Variants in FRMPD2 observed in about 807,000 individuals in gnomAD.
The protein encoded by FRMPD2 is FERM and PDZ domain-containing protein 2.
A neutral mutation model predicts 140.1 loss-of-function variants in FRMPD2; 96 were observed. The ratio of observed to expected loss-of-function variants is 0.69; its 90% CI spans 0.58 to 0.81. The LOEUF is 0.81. Among genes scored for constraint, FRMPD2 ranks in the 40% least tolerant of loss-of-function variants. The probability of loss-of-function intolerance (pLI) is 0.00; values close to 1 mark genes in which losing one functional copy is unlikely to be tolerated. For synonymous variants in FRMPD2, 449 were observed against 547.6 expected (o/e 0.82, Z 2.52); for missense variants, 1,240 against 1,447.4 (o/e 0.86, Z 2.32).
At chr10:48,179,704 T>G (rs1214745349) in intron 21 of FRMPD2, among the ~76,000 whole-genome samples, 1 of 151,862 alleles carries the variant, frequency 6.6e-6, no homozygotes, top group Admixed American at 6.6e-5. Flanking sequence ...ACGGGTTTTA[T>G]CCCCGACACT....
Position 48,174,973 on chromosome 10 carries a change from G to C in FRMPD2, c.2990-18C>G, listed in dbSNP as rs566569760. The C allele has an allele frequency of 2.7e-6, 2 of 733,250 alleles. No individual in the cohort carries two copies. Among genetic ancestry groups the C allele is most frequent in the Non-Finnish European group, 4.8e-6 (2 of 420,484 alleles). 45.4% of individuals were successfully genotyped at this position (733,250 alleles called of 1,614,324 possible). A position where few individuals can be genotyped will look rare whatever the true frequency, so the allele number is the denominator to read the frequency against. ...TCGGTCACCTGGGAAAGGGATAGAT[G>C]TCATGTCATGACCTGGTGCTTGAGG... On this transcript the variant is annotated intron_variant, in intron 23 of 28. Coordinates refer to ENST00000374201, the MANE Select transcript of FRMPD2 (RefSeq NM_001018071.4).
At chr10:48,182,661 T>C (rs545398100) in intron 20 of FRMPD2, among the ~76,000 whole-genome samples, 6 of 152,110 alleles carry the variant, frequency 3.9e-5, no homozygotes, top group Non-Finnish European at 7.4e-5. Context: ...GGTGCCACAG[T>C]GAAAGGACAT....
At chr10:48,222,638 T>A (rs1232681157) in intron 11 of FRMPD2, among the ~76,000 whole-genome samples, 187 bp from the exon 12 acceptor site, 1 of 152,184 alleles carries the variant, frequency 6.6e-6, no homozygotes. Flanking sequence ...CTCCTGCCCC[T>A]CGTTTAGGGC....
In FRMPD2 at chr10:48,274,586, A is replaced by G; in HGVS notation, c.-19T>C. The G allele has an allele frequency of 6.2e-7, 1 of 1,613,766 alleles. No homozygotes were observed. Among genetic ancestry groups the G allele is most frequent in the South Asian group, 1.1e-5 (1 of 91,066 alleles). On this transcript the variant is annotated 5_prime_UTR_variant, in exon 1 of 29. Transcript: ENST00000374201. ...GCTGCATCCAAAAGTCTCCGTGACC[A>G]GGTCTAGGCCTTCATCATGGGACAA... is the stretch of plus-strand genomic sequence containing the variant.
intron 10 of FRMPD2, among the ~76,000 whole-genome samples, chr10:48,225,052 C>A (rs905959195): frequency 5.3e-5 from 8 of 152,270 alleles, no homozygotes; most frequent in Admixed American, 4.6e-4. Context: ...AGTTCGTGAG[C>A]TTTTCCTACT....
intron 1 of FRMPD2, among the ~76,000 whole-genome samples, chr10:48,263,911 T>C (rs1051439166): frequency 6.6e-5 from 10 of 152,034 alleles, no homozygotes; most frequent in Admixed American, 1.3e-4. Flanking sequence ...TATTAGCAAA[T>C]CAAATCCAAC....
At chr10:48,206,986 T>A in intron 13 of FRMPD2, 53 bp from the exon 14 acceptor site, 1 of 1,541,142 alleles carries the variant, frequency 6.5e-7, no homozygotes, top group Non-Finnish European at 8.9e-7. Flanking sequence ...TTTAAAATAA[T>A]GGGCCTCACG....
intron 28 of FRMPD2, among the ~76,000 whole-genome samples, chr10:48,161,803 C>T (rs1458197979): frequency 4.0e-5 from 6 of 151,444 alleles, no homozygotes; most frequent in Non-Finnish European, 7.4e-5. Flanking sequence ...ATTGAACAGG[C>T]TGATTTTCTG....
chr10:48,251,477 A>AAG lies in FRMPD2; in HGVS notation c.151+88_151+89insCT. 2.0e-6 allele frequency: 3 copies of AAG among 1,525,184 alleles called. No individual in the cohort carries two copies. The African/African-American group carries it at 4.7e-5, about 24-fold the overall frequency. 94.5% of individuals were successfully genotyped at this position (1,525,184 alleles called of 1,614,324 possible). ...GTTCTGTGCTCTCAGAGGTTGATTT[A>AAG]AAAAAGCAGCAGCAGCCAGAACTGT... On this transcript the variant is annotated intron_variant, in intron 2 of 28. Coordinates refer to ENST00000374201, the MANE Select transcript of FRMPD2 (RefSeq NM_001018071.4).
At chr10:48,221,007 C>A (rs1839573338) in intron 12 of FRMPD2, among the ~76,000 whole-genome samples, 1 of 152,168 alleles carries the variant, frequency 6.6e-6, no homozygotes, top group Non-Finnish European at 1.5e-5. Flanking sequence ...TAAGCTAGTA[C>A]AACCACTATG....
chr10:48,178,659 G>C (rs1393549075), intron 21 of FRMPD2, among the ~76,000 whole-genome samples: 16 of 152,162 alleles, frequency 1.1e-4, no homozygotes, highest in Admixed American at 7.9e-4. Context: ...GCAGCATCTG[G>C]GTTGGGTCCT....
At chr10:48,181,884 T>TCAGACACACACACACA in intron 20 of FRMPD2, among the ~76,000 whole-genome samples, 1 of 13,462 alleles carries the variant, frequency 7.4e-5, no homozygotes, top group South Asian at 2.7e-3. Context: ...TATATGGCTC[T>TCAGACACACACACACA]CATACACACA....
At position 48,232,273 on chromosome 10, in the gene FRMPD2, G is replaced by A. The variant is rs866021550; in HGVS notation, c.1010C>T (p.Ser337Phe). 2 of 1,610,476 alleles carry A rather than the reference G, an allele frequency of 1.2e-6. No homozygotes were observed. The highest frequency in any genetic ancestry group is 2.2e-5 in the East Asian group (1 of 44,798). Residue 337 changes from serine to phenylalanine, a missense_variant, in exon 10 of 29, where the codon TCC becomes TTC. By Grantham distance (155) the Ser-to-Phe change is radical. Transcript: ENST00000374201. The part of the protein sequence containing the change: ...PGSVVTKKGK[S>F]YLALRDLCVV... ...ACAGAGGTCCCTGAGAGCCAAATAG[G>A]ATTTCCCTTTTTTGGTCTGAAAACA...
At chr10:48,245,160 G>A (rs1004070206) in intron 3 of FRMPD2, among the ~76,000 whole-genome samples, 1 of 152,176 alleles carries the variant, frequency 6.6e-6, no homozygotes, top group African/African-American at 2.4e-5. Context: ...TTTCCCCTTT[G>A]TTCCTGCCTT....
intron 12 of FRMPD2, among the ~76,000 whole-genome samples, chr10:48,214,202 G>A (rs1240779950): frequency 1.3e-5 from 2 of 152,030 alleles, no homozygotes; most frequent in East Asian, 1.9e-4. Flanking sequence ...AAATCCCAAC[G>A]TTCTCTCTGT....
chr10:48,197,726 C>T (rs987277760), intron 15 of FRMPD2, among the ~76,000 whole-genome samples: 1 of 152,196 alleles, frequency 6.6e-6, no homozygotes, highest in African/African-American at 2.4e-5. Flanking sequence ...AATGCCTAGA[C>T]ATTGACAGCA....
chr10:48,205,065 A>T (rs1411735505), intron 14 of FRMPD2, among the ~76,000 whole-genome samples: 1 of 152,210 alleles, frequency 6.6e-6, no homozygotes, highest in African/African-American at 2.4e-5. Flanking sequence ...TCCTGAGTTA[A>T]TTTTCATATT....
In FRMPD2 at chr10:48,207,775, G is replaced by A. The variant is rs565030919; in HGVS notation, c.1612-842C>T. Among the ~76,000 whole-genome samples the A allele has an allele frequency of 1.9e-3, 289 of 152,240 alleles. 1 individual carries two copies. The highest frequency in any genetic ancestry group is 6.7e-3 in the African/African-American group (278 of 41,524). On this transcript the variant is annotated intron_variant, in intron 13 of 28. Coordinates refer to ENST00000374201, the MANE Select transcript of FRMPD2 (RefSeq NM_001018071.4). Reference sequence around the variant, plus strand: ...GAAGCCCTCTCAGAAGGGTTGTATTGCTGAAATCTGGTATCCCATTCCTAC... The same window carrying A: ...GAAGCCCTCTCAGAAGGGTTGTATTACTGAAATCTGGTATCCCATTCCTAC...
At chr10:48,242,455 C>T (rs1840144553) in intron 4 of FRMPD2, 103 bp from the exon 5 acceptor site, 1 of 974,534 alleles carries the variant, frequency 1.0e-6, no homozygotes, top group Admixed American at 2.5e-5. Flanking sequence ...ACGGGTGTTC[C>T]CACAAGCACC....
Sources: allele counts gnomAD v4.1 joint callset (sites outside exome capture counted in the v4.1 genomes callset), GRCh38; gene constraint gnomAD v4.1.1; transcripts MANE v1.5; gene names NCBI Gene and HGNC (gene_info 2026-07-23, HGNC 2026-07-21).